Variants in USP25 observed in about 807,000 individuals in gnomAD.
The protein encoded by USP25 is ubiquitin specific peptidase 25.
In USP25, 85 loss-of-function variants were observed where a neutral mutation model predicts 158.5. The ratio of observed to expected loss-of-function variants is 0.54; its 90% CI spans 0.45 to 0.64. The LOEUF (loss-of-function observed/expected upper bound fraction) is 0.64, where lower values mean the gene tolerates loss of function less well. USP25 is among the 30% of genes least tolerant of loss of function. USP25 has a pLI of 0.00. For synonymous variants in USP25, 464 were observed against 460.4 expected, an observed-to-expected ratio of 1.01 and a Z score of -0.10; for missense variants, 1,242 against 1,327.3, an observed-to-expected ratio of 0.94 and a Z score of 1.00.
At chr21:15,765,379 G>A (rs2033978993) in intron 2 of USP25, among the ~76,000 whole-genome samples, 2 of 152,050 alleles carry the variant, frequency 1.3e-5, no homozygotes, top group African/African-American at 4.8e-5. Context: ...ATTTTATTCA[G>A]CTATACTTTT....
At chr21:15,781,591 C>T (rs1248966433) in intron 4 of USP25, among the ~76,000 whole-genome samples, 1 of 152,008 alleles carries the variant, frequency 6.6e-6, no homozygotes, top group Non-Finnish European at 1.5e-5. Flanking sequence ...CTGGAGAGTA[C>T]CAAGAGAACA....
chr21:15,863,192 T>C (rs1328823234), intron 20 of USP25, among the ~76,000 whole-genome samples: 1 of 152,044 alleles, frequency 6.6e-6, no homozygotes, highest in East Asian at 1.9e-4. Flanking sequence ...TTCTATATGG[T>C]CAGATATTTT....
intron 1 of USP25, among the ~76,000 whole-genome samples, chr21:15,762,653 T>C (rs1322524063): frequency 1.3e-5 from 2 of 152,144 alleles, no homozygotes; most frequent in South Asian, 2.1e-4. Context: ...TGGGGAGTAA[T>C]GTAGAGAAGT....
At chr21:15,858,144 T>A (rs1247950812) in intron 20 of USP25, among the ~76,000 whole-genome samples, 2 of 152,088 alleles carry the variant, frequency 1.3e-5, no homozygotes, top group African/African-American at 2.4e-5. Context: ...CACTTAGTAA[T>A]TTTTGTTCTT....
At chr21:15,825,414 A>G (rs1007004288) in intron 12 of USP25, among the ~76,000 whole-genome samples, 1 of 152,192 alleles carries the variant, frequency 6.6e-6, no homozygotes, top group African/African-American at 2.4e-5. Context: ...AAAACAGGAT[A>G]CAAACTCAGC....
chr21:15,771,009 T>A (rs769625673), intron 3 of USP25, among the ~76,000 whole-genome samples: 1 of 152,218 alleles, frequency 6.6e-6, no homozygotes, highest in African/African-American at 2.4e-5. Flanking sequence ...ATAAAAGATA[T>A]GTTCTCATCT....
chr21:15,811,030 A>C, intron 8 of USP25, 107 bp from the exon 9 acceptor site: 1 of 923,060 alleles, frequency 1.1e-6, no homozygotes, highest in South Asian at 1.6e-5. Flanking sequence ...AGTGCGTGAT[A>C]GCCACATAAG....
At chr21:15,874,573 G>A (rs947488333) in intron 24 of USP25, 47 bp downstream of exon 24, 4 of 1,529,066 alleles carry the variant, frequency 2.6e-6, no homozygotes, top group African/African-American at 2.8e-5. Flanking sequence ...GTCTGACATT[G>A]GGCAAGTTTT....
Position 15,878,296 on chromosome 21 carries a change from T to A in USP25, c.3206-7T>A. The A allele has an allele frequency of 6.2e-7, 1 of 1,608,188 alleles. No homozygotes were observed. The highest frequency in any genetic ancestry group is 8.5e-7 in the Non-Finnish European group (1 of 1,177,174). On this transcript the variant is annotated splice_region_variant and splice_polypyrimidine_tract_variant and intron_variant, in intron 25 of 25. Transcript: ENST00000400183. ...CTTTAGTTAGATTTAATTGTTTGTA[T>A]TTGCAGCACACCTCCAAGAAAAGCT...
chr21:15,848,648 TCTGA>T, intron 19 of USP25, among the ~76,000 whole-genome samples: 1 of 152,132 alleles, frequency 6.6e-6, no homozygotes, highest in Non-Finnish European at 1.5e-5. Flanking sequence ...TAACTTTTTT[TCTGA>T]CTTACTCCAA....
chr21:15,844,790 A>G (rs554895931), intron 18 of USP25, among the ~76,000 whole-genome samples: 109 of 152,268 alleles, frequency 7.2e-4, no homozygotes, highest in African/African-American at 2.5e-3. Context: ...TTATTTTAAT[A>G]TGTAGATTTG....
chr21:15,846,147 TATATATATATA>T (rs1300997453), intron 18 of USP25, among the ~76,000 whole-genome samples: 1,193 of 69,374 alleles, frequency 0.017, 110 homozygotes, highest in African/African-American at 0.087. Context: ...TATATATATA[TATATATATATA>T]TTTTTTTTTT....
In USP25 at chr21:15,854,920, A is replaced by G. The variant is rs187914458; in HGVS notation, c.2547+5048A>G. On this transcript the variant is annotated intron_variant, in intron 20 of 25. Coordinates refer to ENST00000400183, the MANE Select transcript of USP25 (RefSeq NM_001283041.3). The stretch of plus-strand genomic sequence containing the variant: ...TTAATGGTTAAAACTAGTTTCTACT[A>G]TAGAAAATCCCCAAATAATAGTGGC... Among the ~76,000 whole-genome samples the G allele has an allele frequency of 1.6e-3, 238 of 152,382 alleles. 1 individual carries two copies. The highest frequency in any genetic ancestry group is 4.4e-3 in the African/African-American group (183 of 41,590).
chr21:15,747,807 A>G (rs898236756), intron 1 of USP25, among the ~76,000 whole-genome samples: 1 of 152,150 alleles, frequency 6.6e-6, no homozygotes, highest in African/African-American at 2.4e-5. Flanking sequence ...AACTTTTCAT[A>G]TTTTTGGACT....
At chr21:15,794,686 G>A (rs2035770595) in intron 5 of USP25, among the ~76,000 whole-genome samples, 1 of 151,246 alleles carries the variant, frequency 6.6e-6, no homozygotes, top group South Asian at 2.1e-4. Context: ...CTGTCACTTA[G>A]TCCTAAAGCC....
chr21:15,801,109 G>A (rs945873947), intron 6 of USP25, among the ~76,000 whole-genome samples: 2 of 151,456 alleles, frequency 1.3e-5, no homozygotes, highest in African/African-American at 4.8e-5. Flanking sequence ...CAAAGTATAT[G>A]TATAATTTGT....
Position 15,805,265 on chromosome 21 carries a change from C to G in USP25, c.780+7C>G. On this transcript the variant is annotated splice_region_variant and intron_variant, in intron 7 of 25. Transcript: ENST00000400183. ...ATCAAATGACTCACAGCAGGTAGTT[C>G]TGTTGCACTGACTTGTTCATTAACC... The G allele has an allele frequency of 6.3e-7, 1 of 1,585,412 alleles. No individual in the cohort carries two copies. The highest frequency in any genetic ancestry group is 8.5e-7 in the Non-Finnish European group (1 of 1,169,866).
intron 18 of USP25, among the ~76,000 whole-genome samples, chr21:15,845,073 A>G (rs577083499): frequency 1.3e-5 from 2 of 152,272 alleles, no homozygotes; most frequent in African/African-American, 4.8e-5. Context: ...GCTAGAAATG[A>G]AAACTTTTTT....
At chr21:15,856,385 C>G (rs1343100097) in intron 20 of USP25, among the ~76,000 whole-genome samples, 1 of 152,156 alleles carries the variant, frequency 6.6e-6, no homozygotes, top group African/African-American at 2.4e-5. Context: ...TCTTGTATAT[C>G]CTAGAGAGAT....
Sources: gnomAD v4.1 joint callset for allele counts (sites outside exome capture counted in the v4.1 genomes callset) on GRCh38, gnomAD v4.1.1 for gene constraint, MANE v1.5 for transcripts, NCBI Gene and HGNC (gene_info 2026-07-23, HGNC 2026-07-21) for gene names.